Variants in MALRD1 observed in about 807,000 individuals in gnomAD.
MALRD1 encodes MAM and LDL receptor class A domain containing 1.
Under a neutral mutation model 242.1 loss-of-function variants are expected in MALRD1, and 247 were observed. That is an observed-to-expected ratio of 1.02 (90% CI 0.92 to 1.13). The LOEUF is 1.13. Ranked by LOEUF, MALRD1 falls within the 50% of genes most tolerant of loss-of-function variation. MALRD1 has a pLI of 0.00. For synonymous variants in MALRD1, 995 were observed against 866.6 expected, an observed-to-expected ratio of 1.15 and a Z score of -2.60; for missense variants, 2,989 against 2,533.1, an observed-to-expected ratio of 1.18 and a Z score of -3.86.
chr10:19,498,786 C>A, intron 31 of MALRD1, 140 bp downstream of exon 31: 1 of 1,011,676 alleles, frequency 9.9e-7, no homozygotes, highest in Non-Finnish European at 1.4e-6. Context: ...GAGGGCTAGT[C>A]TCTTCTATTG....
Position 19,270,317 on chromosome 10 carries a change from TTCTCTC to T in MALRD1, c.3080-9715_3080-9710del, listed in dbSNP as rs143248846. Among the ~76,000 whole-genome samples the T allele has an allele frequency of 5.4e-3, 722 of 133,000 alleles. 6 individuals carry two copies. The highest frequency in any genetic ancestry group is 0.02 in the African/African-American group (606 of 30,888). The allele number at this position is 133,000 out of a possible 152,430, so 87.3% of individuals were successfully genotyped here. A position where few individuals can be genotyped will look rare whatever the true frequency, so the allele number is the denominator to read the frequency against. Reference sequence around the variant, plus strand: ...GCCACAGTGAGACTGTCTCTCTCTCTTCTCTCTCTCTCTCTCTCTCACACACACACA... The same window carrying T: ...GCCACAGTGAGACTGTCTCTCTCTCTTCTCTCTCTCTCTCACACACACACA... On this transcript the variant is annotated intron_variant, in intron 19 of 39. Coordinates refer to ENST00000454679, the MANE Select transcript of MALRD1 (RefSeq NM_001142308.3).
At chr10:19,601,789 A>G (rs1004501076) in intron 34 of MALRD1, among the ~76,000 whole-genome samples, 1 of 152,088 alleles carries the variant, frequency 6.6e-6, no homozygotes, top group Non-Finnish European at 1.5e-5. Context: ...CCTATCTCCA[A>G]TAGAGGAAGG....
chr10:19,144,659 T>A (rs1477176184), intron 10 of MALRD1, among the ~76,000 whole-genome samples: 5 of 152,228 alleles, frequency 3.3e-5, no homozygotes, highest in Non-Finnish European at 7.3e-5. Context: ...GGAGTCTTTT[T>A]AATTATGAAA....
At chr10:19,188,486 C>A (rs1835832847) in intron 14 of MALRD1, among the ~76,000 whole-genome samples, 1 of 152,162 alleles carries the variant, frequency 6.6e-6, no homozygotes, top group Non-Finnish European at 1.5e-5. Flanking sequence ...GGTTAAAATA[C>A]AATACTCATG....
At chr10:19,111,066 A>C (rs1026748541) in intron 5 of MALRD1, among the ~76,000 whole-genome samples, 2 of 152,186 alleles carry the variant, frequency 1.3e-5, no homozygotes, top group African/African-American at 4.8e-5. Flanking sequence ...ATTTCTCTCT[A>C]TCTTTGTCTC....
intron 18 of MALRD1, among the ~76,000 whole-genome samples, chr10:19,224,062 C>T (rs913958724): frequency 2.0e-5 from 3 of 152,010 alleles, no homozygotes; most frequent in Admixed American, 2.0e-4. Flanking sequence ...GGATGTGTAC[C>T]TAGTAATGAG....
intron 19 of MALRD1, among the ~76,000 whole-genome samples, chr10:19,276,736 A>G (rs1840544881): frequency 6.6e-6 from 1 of 152,062 alleles, no homozygotes; most frequent in South Asian, 2.1e-4. Flanking sequence ...TTGACCTCTA[A>G]TTGAGTTCTT....
intron 4 of MALRD1, among the ~76,000 whole-genome samples, chr10:19,100,768 A>T (rs1409588783): frequency 6.6e-6 from 1 of 152,152 alleles, no homozygotes; most frequent in Non-Finnish European, 1.5e-5. Context: ...TTTCTGATTT[A>T]TCAACCCTGA....
At chr10:19,211,287 T>C (rs1837049382) in intron 18 of MALRD1, among the ~76,000 whole-genome samples, 1 of 152,120 alleles carries the variant, frequency 6.6e-6, no homozygotes, top group African/African-American at 2.4e-5. Context: ...TGCAGTGTTC[T>C]GATTGATTTT....
intron 36 of MALRD1, among the ~76,000 whole-genome samples, chr10:19,621,608 A>G (rs1221722641): frequency 6.6e-6 from 1 of 151,676 alleles, no homozygotes; most frequent in Non-Finnish European, 1.5e-5. Flanking sequence ...GAACATGCAT[A>G]TGATTGGAGT....
chr10:19,515,026 T>C (rs940250574), intron 31 of MALRD1, among the ~76,000 whole-genome samples: 1 of 152,148 alleles, frequency 6.6e-6, no homozygotes, highest in Non-Finnish European at 1.5e-5. Context: ...TCAGTGTTTG[T>C]TTTATACTTT....
chr10:19,584,180 T>C (rs1288970536), intron 33 of MALRD1, among the ~76,000 whole-genome samples: 12 of 151,908 alleles, frequency 7.9e-5, no homozygotes, highest in Non-Finnish European at 1.6e-4. Flanking sequence ...AACCAGCTCC[T>C]GGATTCATTG....
At chr10:19,701,618 G>A (rs1352996471) in intron 38 of MALRD1, among the ~76,000 whole-genome samples, 1 of 151,862 alleles carries the variant, frequency 6.6e-6, no homozygotes, top group African/African-American at 2.4e-5. Flanking sequence ...CAAGCAATAT[G>A]GAAAAAGGAG....
At chr10:19,409,172 A>G (rs1240755699) in intron 28 of MALRD1, among the ~76,000 whole-genome samples, 1 of 152,236 alleles carries the variant, frequency 6.6e-6, no homozygotes, top group Non-Finnish European at 1.5e-5. Flanking sequence ...AAACTATTGC[A>G]TGCAACAACC....
chr10:19,387,831 T>C, intron 27 of MALRD1, 58 bp downstream of exon 27: 1 of 1,505,758 alleles, frequency 6.6e-7, no homozygotes, highest in Non-Finnish European at 8.9e-7. Context: ...TACATCAAAA[T>C]GTCTTTTCTG....
At chr10:19,385,774 G>A (rs149636278) in intron 26 of MALRD1, among the ~76,000 whole-genome samples, 22 of 151,016 alleles carry the variant, frequency 1.5e-4, no homozygotes, top group East Asian at 3.9e-4. Flanking sequence ...TGCTAACTTC[G>A]GCCTTAGTTC....
chr10:19,297,303 T>C (rs956050434), intron 21 of MALRD1, among the ~76,000 whole-genome samples: 25 of 151,994 alleles, frequency 1.6e-4, no homozygotes, highest in African/African-American at 5.3e-4. Context: ...GTTTTCACTT[T>C]ATGAACTAAT....
At chr10:19,486,645 A>G (rs1214045601) in intron 29 of MALRD1, among the ~76,000 whole-genome samples, 1 of 152,224 alleles carries the variant, frequency 6.6e-6, no homozygotes, top group Non-Finnish European at 1.5e-5. Context: ...TTAGAAATGC[A>G]TGTCCATATG....
At chr10:19,102,725 A>T (rs1836312242) in intron 4 of MALRD1, among the ~76,000 whole-genome samples, 1 of 152,202 alleles carries the variant, frequency 6.6e-6, no homozygotes, top group Non-Finnish European at 1.5e-5. Flanking sequence ...CCAATTTTCT[A>T]TCGATTTAGT....
Sources: gnomAD v4.1 joint callset for allele counts (sites outside exome capture counted in the v4.1 genomes callset) on GRCh38, gnomAD v4.1.1 for gene constraint, MANE v1.5 for transcripts, NCBI Gene and HGNC (gene_info 2026-07-23, HGNC 2026-07-21) for gene names.